Variants in SNAP23 observed in about 807,000 individuals in gnomAD.
SNAP23 encodes the protein synaptosome associated protein 23, also known as synaptosomal-associated protein 23.
Under a neutral mutation model 29.0 loss-of-function variants are expected in SNAP23, and 11 were observed. The observed-to-expected ratio is 0.38, with a 90% CI of 0.24 to 0.63. The LOEUF (loss-of-function observed/expected upper bound fraction) is 0.63, where lower values mean the gene tolerates loss of function less well. SNAP23 is among the 20% of genes least tolerant of loss of function. The pLI, the probability that SNAP23 is intolerant of heterozygous loss-of-function variation, is 0.58. For synonymous variants in SNAP23, 60 were observed against 82.9 expected (o/e 0.72, Z 1.50); for missense variants, 220 against 253.9 (o/e 0.87, Z 0.91).
At chr15:42,515,059 AG>A (rs1455207317) in intron 4 of SNAP23, among the ~76,000 whole-genome samples, 177 bp from the exon 5 acceptor site, 3 of 152,218 alleles carry the variant, frequency 2.0e-5, no homozygotes, top group African/African-American at 7.2e-5. Flanking sequence ...CCTCCGGATC[AG>A]TACGTGAAAG....
intron 1 of SNAP23, among the ~76,000 whole-genome samples, chr15:42,508,533 T>A (rs2057333543): frequency 2.0e-5 from 3 of 152,306 alleles, no homozygotes; most frequent in East Asian, 3.9e-4. Context: ...TTGCGTGTTG[T>A]CTGGTCAGGG....
At chr15:42,528,231 G>A (rs780172559) in intron 5 of SNAP23, 31 bp from the exon 6 acceptor site, 4 of 1,587,716 alleles carry the variant, frequency 2.5e-6, no homozygotes, top group Middle Eastern at 1.7e-4. Context: ...CTTTTTTTTG[G>A]TATCTCCCTA....
intron 1 of SNAP23, among the ~76,000 whole-genome samples, chr15:42,500,380 T>G (rs1228206763): frequency 6.6e-6 from 1 of 151,280 alleles, no homozygotes; most frequent in African/African-American, 2.4e-5. Flanking sequence ...GACTGCTCTT[T>G]TCTTTTCCCT....
rs1221763383 is a variant in SNAP23 at position 42,528,106 on chromosome 15, A to G, written c.267-156A>G. The G allele has an allele frequency of 8.6e-6, 5 of 580,090 alleles. No homozygotes were observed. The African/African-American group carries it at 9.2e-5, about 11-fold the overall frequency. 35.9% of individuals were successfully genotyped at this position (580,090 alleles called of 1,614,324 possible). A position where few individuals can be genotyped will look rare whatever the true frequency, so the allele number is the denominator to read the frequency against. ...ATAATTCATCTATTTCCTATTCCAT[A>G]TTGCCATGGAGCATAGTGTAGATCA... is the stretch of plus-strand genomic sequence containing the variant. On this transcript the variant is annotated intron_variant, in intron 5 of 7. Transcript: ENST00000249647.
At chr15:42,499,354 G>C (rs1286781367) in intron 1 of SNAP23, among the ~76,000 whole-genome samples, 1 of 152,190 alleles carries the variant, frequency 6.6e-6, no homozygotes, top group Non-Finnish European at 1.5e-5. Context: ...TTACAGGCGT[G>C]AGCCACCGCG....
At chr15:42,522,842 C>CTTTTTTTTTT (rs5812226) in intron 5 of SNAP23, among the ~76,000 whole-genome samples, 3 of 91,054 alleles carry the variant, frequency 3.3e-5, no homozygotes, top group African/African-American at 9.2e-5. Context: ...TAAAACTTGC[C>CTTTTTTTTTT]TTTTTTTTTT....
chr15:42,503,618 C>G (rs946621666), intron 1 of SNAP23, among the ~76,000 whole-genome samples: 3 of 152,144 alleles, frequency 2.0e-5, no homozygotes, highest in Non-Finnish European at 4.4e-5. Context: ...GATCTGCCCT[C>G]CTCAGCCTCC....
rs1183248419 is a variant in SNAP23, at chr15:42,532,884, A to G, written c.*1406A>G. ...CACACTCTTTCTCTTACCCTTGTGT[A>G]TTGAACTATGTCCATAATCAAGTTG... On this transcript the variant is annotated 3_prime_UTR_variant, in exon 8 of 8. Transcript: ENST00000249647. 6.6e-6 allele frequency: 1 copy of G among 152,658 alleles called. No individual in the cohort carries two copies. Among genetic ancestry groups the G allele is most frequent in the Non-Finnish European group, 1.5e-5 (1 of 68,032 alleles). The allele number at this position is 152,658 out of a possible 1,614,324, so 9.5% of individuals were successfully genotyped here. A position where few individuals can be genotyped will look rare whatever the true frequency, so the allele number is the denominator to read the frequency against.
rs1298308417 is a variant in SNAP23 at position 42,515,251 on chromosome 15, A to C, written c.163A>C (p.Ile55Leu). 1 of 1,603,678 alleles carries C rather than the reference A, an allele frequency of 6.2e-7. No individual in the cohort carries two copies. The highest frequency in any genetic ancestry group is 1.7e-5 in the Admixed American group (1 of 57,858). ...CTTATTCTTAGAACAACTAAACCGC[A>C]TAGAAGAAGGCTTGGACCAAATAAA... Reference protein sequence around the residue: ...LDEQKEQLNRIEEGLDQINKD... With the variant: ...LDEQKEQLNRLEEGLDQINKD... The change falls in exon 5 of 8, where the codon ATA becomes CTA. Residue 55 changes from isoleucine (I) to leucine (L), a missense_variant. Transcript: ENST00000249647.
intron 5 of SNAP23, among the ~76,000 whole-genome samples, chr15:42,518,446 T>G (rs1214359289): frequency 1.3e-5 from 2 of 149,738 alleles, no homozygotes; most frequent in African/African-American, 5.0e-5. Flanking sequence ...TTTTTTTTTT[T>G]TTTTCTCGAG....
intron 6 of SNAP23, 40 bp downstream of exon 6, chr15:42,528,460 T>G (rs1281948369): frequency 6.3e-7 from 1 of 1,588,760 alleles, no homozygotes; most frequent in Middle Eastern, 1.7e-4. Context: ...CCTTTCTTAA[T>G]GAATGGTTCA....
intron 1 of SNAP23, among the ~76,000 whole-genome samples, chr15:42,500,960 AG>A (rs1458774147): frequency 6.6e-6 from 1 of 152,082 alleles, no homozygotes; most frequent in African/African-American, 2.4e-5. Context: ...GCTTTCTGTA[AG>A]TTCTGTAACT....
intron 1 of SNAP23, among the ~76,000 whole-genome samples, chr15:42,506,006 C>T (rs1245885479): frequency 6.8e-6 from 1 of 147,668 alleles, no homozygotes; most frequent in Admixed American, 6.8e-5. Flanking sequence ...AGTGTAGTGG[C>T]ATGATCTCGA....
upstream of SNAP23, chr15:42,495,191 CAA>C (rs2057206317): frequency 6.6e-6 from 1 of 152,244 alleles, no homozygotes; most frequent in Admixed American, 6.5e-5. Context: ...CTTCATGACT[CAA>C]GTCACTTCCT....
intron 5 of SNAP23, among the ~76,000 whole-genome samples, chr15:42,524,443 G>C (rs2057478284): frequency 6.6e-6 from 1 of 152,126 alleles, no homozygotes; most frequent in Non-Finnish European, 1.5e-5. Context: ...CAGGAGGTGA[G>C]CATTATTGCC....
Position 42,529,717 on chromosome 15 carries a change from G to A in SNAP23, c.468G>A (p.Leu156=). 2 of 1,614,118 alleles carry A rather than the reference G, an allele frequency of 1.2e-6. No individual in the cohort carries two copies. The highest frequency in any genetic ancestry group is 8.5e-7 in the Non-Finnish European group (1 of 1,179,988). The change falls in exon 7 of 8, where the codon CTG becomes CTA. Residue 156 remains leucine, a synonymous_variant. Coordinates refer to ENST00000249647, the MANE Select transcript of SNAP23 (RefSeq NM_003825.4). The part of the protein sequence containing the change: ...DAREDEMEEN[L]TQVGSILGNL... The stretch of plus-strand genomic sequence containing the variant: ...GAGAAGATGAAATGGAAGAGAACCT[G>A]ACTCAAGTGGGCAGTATCCTGGGAA...
At chr15:42,503,069 C>G (rs1466162408) in intron 1 of SNAP23, among the ~76,000 whole-genome samples, 2 of 151,916 alleles carry the variant, frequency 1.3e-5, no homozygotes, top group Non-Finnish European at 1.5e-5. Context: ...GACTATAGGC[C>G]TGAAAATGTA....
chr15:42,529,558 C>A (rs1372472287), intron 6 of SNAP23, 117 bp from the exon 7 acceptor site: 2 of 1,011,382 alleles, frequency 2.0e-6, no homozygotes, highest in Non-Finnish European at 2.9e-6. Flanking sequence ...AACCTATATT[C>A]TTTTGGATCT....
intron 5 of SNAP23, chr15:42,527,948 G>A (rs905577842): frequency 7.9e-6 from 2 of 253,404 alleles, no homozygotes; most frequent in Non-Finnish European, 1.5e-5. Context: ...AAAGCAAAAC[G>A]ATAGTGCCAG....
Sources: gnomAD v4.1 joint callset for allele counts (sites outside exome capture counted in the v4.1 genomes callset) on GRCh38, gnomAD v4.1.1 for gene constraint, MANE v1.5 for transcripts, NCBI Gene and HGNC (gene_info 2026-07-23, HGNC 2026-07-21) for gene names.